The following RBKS variants were observed in gnomAD, a reference collection of about 807,000 sequenced individuals.
RBKS encodes ribokinase.
Under a neutral mutation model 33.9 loss-of-function variants are expected in RBKS, and 33 were observed. That is an observed-to-expected ratio of 0.97 (90% CI 0.74 to 1.30). The LOEUF (loss-of-function observed/expected upper bound fraction) is 1.30, where lower values mean the gene tolerates loss of function less well. RBKS is among the 50% of genes most tolerant of loss of function. The probability of loss-of-function intolerance (pLI) is 0.00; values close to 1 mark genes in which losing one functional copy is unlikely to be tolerated. For missense variants in RBKS, 361 were observed against 392.6 expected, an observed-to-expected ratio of 0.92 and a Z score of 0.68; for synonymous variants, 125 against 143.0, an observed-to-expected ratio of 0.87 and a Z score of 0.90.
At chr2:27,797,046 A>G (rs1677680027) in intron 7 of RBKS, among the ~76,000 whole-genome samples, 1 of 152,226 alleles carries the variant, frequency 6.6e-6, no homozygotes, top group African/African-American at 2.4e-5. Context: ...TGGAGCTGGC[A>G]TAAATGTGTG....
chr2:27,848,996 A>T (rs1362378570), intron 2 of RBKS, among the ~76,000 whole-genome samples: 1 of 152,172 alleles, frequency 6.6e-6, no homozygotes, highest in Admixed American at 6.5e-5. Flanking sequence ...ATTGCTGGCT[A>T]TAAGAGAATG....
chr2:27,788,764 A>G (rs535357147), intron 7 of RBKS, among the ~76,000 whole-genome samples: 2 of 152,378 alleles, frequency 1.3e-5, no homozygotes, highest in African/African-American at 4.8e-5. Context: ...CATTTGCAAC[A>G]GCATTTTAAA....
intron 4 of RBKS, among the ~76,000 whole-genome samples, chr2:27,845,012 A>G (rs1258723476): frequency 1.3e-5 from 2 of 152,222 alleles, no homozygotes; most frequent in Non-Finnish European, 2.9e-5. Flanking sequence ...GCCACGAGGA[A>G]GACTTAATAA....
At chr2:27,802,069 C>T (rs1677807764) in intron 7 of RBKS, among the ~76,000 whole-genome samples, 2 of 126,802 alleles carry the variant, frequency 1.6e-5, no homozygotes, top group South Asian at 5.6e-4. Flanking sequence ...AACTCCTGAA[C>T]TCAGGCAATC....
chr2:27,809,658 T>C (rs901275633), intron 7 of RBKS: 24 of 305,800 alleles, frequency 7.8e-5, no homozygotes, highest in African/African-American at 5.0e-4. Context: ...CAATAGGACT[T>C]AGTATCTTAC....
intron 4 of RBKS, among the ~76,000 whole-genome samples, chr2:27,845,667 C>T (rs1663607375): frequency 6.6e-6 from 1 of 152,160 alleles, no homozygotes; most frequent in Non-Finnish European, 1.5e-5. Context: ...TATCTACCAC[C>T]TTTAGGTGAA....
At position 27,789,945 on chromosome 2, in the gene RBKS, A is replaced by ATG. The variant is rs1299017838; in HGVS notation, c.796-8159_796-8158dup. Among the ~76,000 whole-genome samples, 859 of 107,618 alleles carry ATG rather than the reference A, an allele frequency of 8.0e-3. 13 individuals are homozygous for ATG. Among genetic ancestry groups the ATG allele is most frequent in the Non-Finnish European group, 9.8e-3 (538 of 55,136 alleles). The allele number at this position is 107,618 out of a possible 152,430, so 70.6% of individuals were successfully genotyped here. On this transcript the variant is annotated intron_variant, in intron 7 of 7. Transcript: ENST00000302188. ...TGTGTGTATATATATATATATGTAT[A>ATG]TGTGTATATATATATATATATATAT... is the stretch of plus-strand genomic sequence containing the variant.
chr2:27,830,485 T>C (rs1408264151), intron 6 of RBKS, among the ~76,000 whole-genome samples: 3 of 151,962 alleles, frequency 2.0e-5, no homozygotes, highest in East Asian at 1.9e-4. Flanking sequence ...AGGCTGGTCT[T>C]GAACTCCTGA....
chr2:27,828,785 G>T (rs973784414), intron 6 of RBKS, among the ~76,000 whole-genome samples: 1 of 151,990 alleles, frequency 6.6e-6, no homozygotes, highest in Admixed American at 6.6e-5. Flanking sequence ...CTAATTGGTT[G>T]TTTTTCATAT....
intron 2 of RBKS, among the ~76,000 whole-genome samples, chr2:27,853,353 G>GAAA (rs71401587): frequency 6.2e-5 from 4 of 64,594 alleles, no homozygotes; most frequent in East Asian, 4.2e-4. Context: ...ACCTGTCTCT[G>GAAA]AAAAAAAAAA....
chr2:27,828,024 G>A (rs548729633), intron 6 of RBKS, among the ~76,000 whole-genome samples: 15 of 152,304 alleles, frequency 9.8e-5, no homozygotes, highest in Middle Eastern at 3.4e-3. Context: ...ATCTTCCTAG[G>A]TGTGATAATG....
intron 5 of RBKS, among the ~76,000 whole-genome samples, chr2:27,839,882 CAGA>C (rs1259572776): frequency 1.3e-5 from 2 of 152,118 alleles, no homozygotes; most frequent in Admixed American, 6.6e-5. Flanking sequence ...TCTGGTTTCA[CAGA>C]AGAAGAAAAT....
intron 5 of RBKS, among the ~76,000 whole-genome samples, chr2:27,840,363 C>CAT (rs1663464107): frequency 7.5e-6 from 1 of 132,926 alleles, no homozygotes; most frequent in Non-Finnish European, 1.5e-5. Flanking sequence ...CACGCGCGCG[C>CAT]GCACACACAC....
intron 6 of RBKS, among the ~76,000 whole-genome samples, chr2:27,830,981 A>G (rs2148204444): frequency 6.6e-6 from 1 of 152,294 alleles, no homozygotes; most frequent in East Asian, 1.9e-4. Flanking sequence ...CCATGTTTAC[A>G]TGTTCTGGCC....
intron 1 of RBKS, among the ~76,000 whole-genome samples, chr2:27,866,497 C>T (rs1327719169): frequency 6.6e-6 from 1 of 152,166 alleles, no homozygotes; most frequent in Non-Finnish European, 1.5e-5. Flanking sequence ...TTTAGTGCCT[C>T]TCTGCTTCTC....
At chr2:27,883,997 A>G (rs1664474672) in intron 1 of RBKS, among the ~76,000 whole-genome samples, 1 of 152,252 alleles carries the variant, frequency 6.6e-6, no homozygotes, top group South Asian at 2.1e-4. Context: ...GTAACTGATA[A>G]GCAACTTTTC....
chr2:27,875,249 T>TA (rs1201820784), intron 1 of RBKS, among the ~76,000 whole-genome samples: 1 of 152,306 alleles, frequency 6.6e-6, no homozygotes, highest in South Asian at 2.1e-4. Context: ...TTCAAAAGTT[T>TA]AAAAAATGTT....
intron 4 of RBKS, among the ~76,000 whole-genome samples, chr2:27,844,205 A>C (rs1225801362): frequency 1.3e-5 from 2 of 148,218 alleles, no homozygotes; most frequent in African/African-American, 5.0e-5. Context: ...GGTAGCAGTG[A>C]CCTGAGATTG....
chr2:27,788,823 C>T (rs1322616152), intron 7 of RBKS, among the ~76,000 whole-genome samples: 1 of 152,108 alleles, frequency 6.6e-6, no homozygotes, highest in African/African-American at 2.4e-5. Context: ...AAGATCTATC[C>T]ACTCTTGCTA....
Sources: gnomAD v4.1 joint callset for allele counts (sites outside exome capture counted in the v4.1 genomes callset) on GRCh38, gnomAD v4.1.1 for gene constraint, MANE v1.5 for transcripts, NCBI Gene and HGNC (gene_info 2026-07-23, HGNC 2026-07-21) for gene names.